The following RIMBP2 variants were observed in gnomAD, a reference collection of about 807,000 sequenced individuals.
The protein encoded by RIMBP2 is RIMS binding protein 2.
In RIMBP2, 48 loss-of-function variants were observed where a neutral mutation model predicts 118.6. That is an observed-to-expected ratio of 0.40 (90% CI 0.32 to 0.51). The LOEUF is 0.51. RIMBP2 is among the 20% of genes least tolerant of loss of function. The probability of loss-of-function intolerance (pLI) is 0.41; values close to 1 mark genes in which losing one functional copy is unlikely to be tolerated. For missense variants in RIMBP2, 1,551 were observed against 1,768.3 expected, an observed-to-expected ratio of 0.88 and a Z score of 2.20; for synonymous variants, 762 against 742.9, an observed-to-expected ratio of 1.03 and a Z score of -0.42.
chr12:130,531,107 T>C (rs2053326484), intron 2 of RIMBP2, among the ~76,000 whole-genome samples: 1 of 152,238 alleles, frequency 6.6e-6, no homozygotes. Context: ...CTTCTGCTCA[T>C]CAAGTGATAT....
In RIMBP2 at chr12:130,575,956, G is replaced by A. The variant is rs757835626; in HGVS notation, c.-217+52366C>T. ...GAAAGCTGGTTAACAGGACACCCCC[G>A]GATATTTGAATTCAGAGCAGAGGAG... On this transcript the variant is annotated intron_variant, in intron 2 of 22. Coordinates refer to ENST00000690449, the MANE Select transcript of RIMBP2 (RefSeq NM_001393629.1). Among the ~76,000 whole-genome samples, 102 of 152,190 alleles carry A rather than the reference G, an allele frequency of 6.7e-4. 2 individuals are homozygous for A. Among genetic ancestry groups the A allele is most frequent in the Non-Finnish European group, 1.5e-4 (10 of 68,048 alleles).
chr12:130,584,020 C>T (rs1405108883), intron 2 of RIMBP2, among the ~76,000 whole-genome samples: 1 of 150,518 alleles, frequency 6.6e-6, no homozygotes, highest in Non-Finnish European at 1.5e-5. Flanking sequence ...ACCACCATTA[C>T]ATCACCATCA....
At chr12:130,546,196 C>A (rs1211735802) in intron 2 of RIMBP2, among the ~76,000 whole-genome samples, 2 of 151,678 alleles carry the variant, frequency 1.3e-5, no homozygotes, top group African/African-American at 4.8e-5. Flanking sequence ...CTCTGCCTCC[C>A]AGGTTCAAGT....
rs1412516066 is a variant in RIMBP2, at chr12:130,560,339, G to T, written c.-216-42422C>A. The stretch of plus-strand genomic sequence containing the variant: ...CAGAGTCGGGGGTCTCGGTTCCAGG[G>T]TTTCTCAACCTCAGCCCGGTGGTCA... On this transcript the variant is annotated intron_variant, in intron 2 of 22. Transcript: ENST00000690449. 2.6e-5 allele frequency among the ~76,000 whole-genome samples: 4 copies of T among 152,156 alleles called. No homozygotes were observed. In the East Asian group the frequency reaches 7.7e-4, roughly 29 times the overall value.
intron 1 of RIMBP2, among the ~76,000 whole-genome samples, chr12:130,715,943 A>G (rs964648601): frequency 6.6e-6 from 1 of 151,940 alleles, no homozygotes; most frequent in Non-Finnish European, 1.5e-5. Flanking sequence ...TGCAGCTGAC[A>G]CCCGGCACCC....
intron 6 of RIMBP2, chr12:130,468,963 G>C (rs2080764570): frequency 6.6e-6 from 1 of 152,114 alleles, no homozygotes; most frequent in Non-Finnish European, 1.5e-5. Flanking sequence ...TGCTTGTGGA[G>C]CTCCTCGGAG....
At position 130,461,553 on chromosome 12, in the gene RIMBP2, G is replaced by A. The variant is rs145611920; in HGVS notation, c.154-4853C>T. Among the ~76,000 whole-genome samples the A allele has an allele frequency of 9.2e-3, 1,406 of 152,174 alleles. 21 individuals are homozygous for A. Among genetic ancestry groups the A allele is most frequent in the African/African-American group, 0.032 (1,323 of 41,510 alleles). On this transcript the variant is annotated intron_variant, in intron 6 of 22. Transcript: ENST00000690449. ...TCTGGTTTCCCAGGAGCAGCAGGGC[G>A]TCGTCCCCTCCACATCTCATGTTGA... is the stretch of plus-strand genomic sequence containing the variant.
intron 10 of RIMBP2, among the ~76,000 whole-genome samples, chr12:130,443,804 GA>G (rs1020491018): frequency 6.6e-6 from 1 of 152,180 alleles, no homozygotes; most frequent in Non-Finnish European, 1.5e-5. Context: ...TGATGGTTAT[GA>G]AGATGATTAT....
intron 2 of RIMBP2, among the ~76,000 whole-genome samples, chr12:130,610,971 C>T (rs2060506625): frequency 6.6e-6 from 1 of 152,208 alleles, no homozygotes; most frequent in Non-Finnish European, 1.5e-5. Context: ...GCCACTCTGC[C>T]TCCGAGTTCC....
At chr12:130,529,615 T>A (rs1256422487) in intron 2 of RIMBP2, among the ~76,000 whole-genome samples, 1 of 152,208 alleles carries the variant, frequency 6.6e-6, no homozygotes, top group Non-Finnish European at 1.5e-5. Flanking sequence ...AATTTTATGT[T>A]ATGTCAATTT....
At chr12:130,696,061 G>A (rs1295906744) in intron 1 of RIMBP2, among the ~76,000 whole-genome samples, 1 of 152,172 alleles carries the variant, frequency 6.6e-6, no homozygotes, top group Non-Finnish European at 1.5e-5. Flanking sequence ...TGCTACATGG[G>A]CAACTGATCA....
rs1489049616 is a variant in RIMBP2, at chr12:130,447,086, AG to A, written c.582-1818del. Among the ~76,000 whole-genome samples, 1 of 150,730 alleles carries A rather than the reference AG, an allele frequency of 6.6e-6. No homozygotes were observed. The highest frequency in any genetic ancestry group is 1.5e-5 in the Non-Finnish European group (1 of 67,776). ...AGAGTGTTCTCGGAGGAGGAGGAGG[AG>A]GAGGAGGGAGCGAGAGGAACAGGAG... is the stretch of plus-strand genomic sequence containing the variant. On this transcript the variant is annotated intron_variant, in intron 9 of 22. Coordinates refer to ENST00000690449, the MANE Select transcript of RIMBP2 (RefSeq NM_001393629.1). This position sits in a 1 kb window ranked among gnomAD's most constrained non-coding sequence, Gnocchi z 4.4.
At chr12:130,535,128 G>A (rs1393538026) in intron 2 of RIMBP2, among the ~76,000 whole-genome samples, 1 of 152,140 alleles carries the variant, frequency 6.6e-6, no homozygotes. Context: ...GCTCCGGAGT[G>A]TTTCAGCTTC....
chr12:130,577,210 G>A (rs2058144874), intron 2 of RIMBP2, among the ~76,000 whole-genome samples: 1 of 152,194 alleles, frequency 6.6e-6, no homozygotes, highest in South Asian at 2.1e-4. Context: ...AACAGGGATG[G>A]TAACGGTGCC....
intron 2 of RIMBP2, among the ~76,000 whole-genome samples, chr12:130,557,055 T>C (rs2056424348): frequency 1.3e-5 from 2 of 152,202 alleles, no homozygotes; most frequent in Non-Finnish European, 1.5e-5. Context: ...TCTTAGCAGA[T>C]GTGAGGAGTT....
chr12:130,428,336 G>A lies in RIMBP2; in HGVS notation c.2255C>T (p.Pro752Leu), dbSNP rs373642018. The A allele has an allele frequency of 6.7e-5, 107 of 1,603,954 alleles. No individual in the cohort carries two copies. Among genetic ancestry groups the A allele is most frequent in the South Asian group, 4.7e-4 (42 of 89,252 alleles). Residue 752 changes from proline (P) to leucine (L), a missense_variant and splice_region_variant, in exon 15 of 23, where the codon CCG (proline) becomes CTG (leucine). This residue lies in a region of RIMBP2 where 1,038 missense variants were observed against 1,125.1 expected (regional missense o/e 0.92). Transcript: ENST00000690449. The stretch of plus-strand genomic sequence containing the variant: ...GTACTCGTCTCCATGGCAACAGTGC[G>A]GCTGGGGGCCAAGAAAAGGGGCTAC... Reference protein sequence around the residue: ...FLKGSELGKQPHCCHGDEYHT... With the variant: ...FLKGSELGKQLHCCHGDEYHT...
rs79033518 is a variant in RIMBP2, at chr12:130,492,896, G to C, written c.-4+13752C>G. 4.8e-3 allele frequency among the ~76,000 whole-genome samples: 730 copies of C among 152,332 alleles called. 9 individuals are homozygous for C. Among genetic ancestry groups the C allele is most frequent in the East Asian group, 0.012 (64 of 5,168 alleles). ...TGTAATCCCAGCACTTTGGGAGGCCGAGGCGGGTGGATTGCTTGAGTCCAG... is the reference window on the plus strand; with the variant it reads ...TGTAATCCCAGCACTTTGGGAGGCCCAGGCGGGTGGATTGCTTGAGTCCAG... On this transcript the variant is annotated intron_variant, in intron 4 of 22. Coordinates refer to ENST00000690449, the MANE Select transcript of RIMBP2 (RefSeq NM_001393629.1).
chr12:130,491,228 T>A (rs540409843), intron 4 of RIMBP2, among the ~76,000 whole-genome samples: 2 of 152,274 alleles, frequency 1.3e-5, no homozygotes, highest in South Asian at 4.2e-4. Context: ...CAGGTGATAT[T>A]TTTATTCCCA....
chr12:130,494,662 AAAAG>A (rs375326281), intron 4 of RIMBP2, among the ~76,000 whole-genome samples: 2,015 of 127,468 alleles, frequency 0.016, 54 homozygotes, highest in African/African-American at 0.052. Context: ...GAAAGAAAAG[AAAAG>A]AAAGAGCAAA....
Sources: allele counts gnomAD v4.1 joint callset (sites outside exome capture counted in the v4.1 genomes callset), GRCh38; gene constraint gnomAD v4.1.1; regional missense constraint gnomAD v4.1.1; non-coding constraint Gnocchi (gnomAD v3.1); transcripts MANE v1.5; gene names NCBI Gene and HGNC (gene_info 2026-07-23, HGNC 2026-07-21).